Variants in CDH20 observed in about 807,000 individuals in gnomAD.
The protein encoded by CDH20 is cadherin-20.
CDH20 carries 29 observed loss-of-function variants against 74.2 expected under a neutral mutation model. That is an observed-to-expected ratio of 0.39 (90% confidence interval 0.29 to 0.53). The LOEUF (loss-of-function observed/expected upper bound fraction) is 0.53, where lower values mean the gene tolerates loss of function less well. CDH20 is among the 20% of genes least tolerant of loss of function. The probability of loss-of-function intolerance (pLI) is 0.69; values close to 1 mark genes in which losing one functional copy is unlikely to be tolerated. For synonymous variants in CDH20, 469 were observed against 405.4 expected (o/e 1.16, Z -1.88); for missense variants, 988 against 1,048.3 (o/e 0.94, Z 0.79).
chr18:61,347,324 ACACAC>A (rs1282242453), intron 1 of CDH20, among the ~76,000 whole-genome samples: 6 of 51,988 alleles, frequency 1.2e-4, no homozygotes, highest in Non-Finnish European at 2.6e-4. Context: ...ATATATACAC[ACACAC>A]ACACACACAC....
At chr18:61,434,817 C>T (rs1908778110) in intron 1 of CDH20, among the ~76,000 whole-genome samples, 1 of 152,110 alleles carries the variant, frequency 6.6e-6, no homozygotes, top group East Asian at 1.9e-4. Context: ...TGCAGGAGGA[C>T]ATTTTGACCC....
At chr18:61,336,585 A>T (rs140183839) in intron 1 of CDH20, among the ~76,000 whole-genome samples, 2 of 152,176 alleles carry the variant, frequency 1.3e-5, no homozygotes, top group African/African-American at 4.8e-5. Context: ...TGAGCTAGAA[A>T]ATTAGCAGTT....
In CDH20 at chr18:61,339,701, T is replaced by TCTTTC. The variant is rs750738572; in HGVS notation, c.-153+5874_-153+5875insCTTTC. Among the ~76,000 whole-genome samples, 1,113 of 122,964 alleles carry TCTTTC rather than the reference T, an allele frequency of 9.1e-3. 16 individuals are homozygous for TCTTTC. The highest frequency in any genetic ancestry group is 0.032 in the South Asian group (110 of 3,480). 80.7% of individuals were successfully genotyped at this position (122,964 alleles called of 152,430 possible). A position where few individuals can be genotyped will look rare whatever the true frequency, so the allele number is the denominator to read the frequency against. ...TAGAAATTTTTTTTTTTTTTTTTTT[T>TCTTTC]TTTTGAGATGGAGTCTCGCTCTGTC... On this transcript the variant is annotated intron_variant, in intron 1 of 11. Transcript: ENST00000262717.
intron 4 of CDH20, among the ~76,000 whole-genome samples, chr18:61,502,503 C>T (rs2144321723): frequency 6.6e-6 from 1 of 152,232 alleles, no homozygotes; most frequent in East Asian, 1.9e-4. Flanking sequence ...AAAGAAGAGC[C>T]ATTCACACTA....
At chr18:61,411,536 A>C (rs1398145211) in intron 1 of CDH20, among the ~76,000 whole-genome samples, 1 of 150,898 alleles carries the variant, frequency 6.6e-6, no homozygotes, top group Admixed American at 6.6e-5. Flanking sequence ...TGGATAAAGA[A>C]ACTGCGATGT....
At chr18:61,365,553 G>GT (rs1239502287) in intron 1 of CDH20, among the ~76,000 whole-genome samples, 1 of 152,010 alleles carries the variant, frequency 6.6e-6, no homozygotes, top group South Asian at 2.1e-4. Context: ...TTAATCAAAG[G>GT]TTTTTTAAAC....
chr18:61,503,075 A>C lies in CDH20; in HGVS notation c.784A>C (p.Ile262Leu). 1.2e-6 allele frequency: 2 copies of C among 1,613,552 alleles called. No individual in the cohort carries two copies. The highest frequency in any genetic ancestry group is 1.7e-6 in the Non-Finnish European group (2 of 1,179,752). The change falls in exon 5 of 12, where the codon ATC (isoleucine) becomes CTC (leucine). Residue 262 changes from isoleucine (I) to leucine (L), a missense_variant. Physicochemically the swap from Ile to Leu is conservative, Grantham distance 5 (BLOSUM62 2). Transcript: ENST00000262717. ...ATTAGCTGGGACCACAACAGTCAACATCACCCTCTCAGATGTCAATGATAA... is the reference window on the plus strand; with the variant it reads ...ATTAGCTGGGACCACAACAGTCAACCTCACCCTCTCAGATGTCAATGATAA... ...GGLAGTTTVN[I>L]TLSDVNDNPP... is the part of the protein sequence containing the mutation.
At chr18:61,430,334 A>C (rs1025097829) in intron 1 of CDH20, among the ~76,000 whole-genome samples, 3 of 152,160 alleles carry the variant, frequency 2.0e-5, no homozygotes, top group African/African-American at 7.2e-5. Flanking sequence ...TAAGCCATGA[A>C]AGGAGAAGAC....
At chr18:61,377,779 C>T (rs1172235567) in intron 1 of CDH20, among the ~76,000 whole-genome samples, 6 of 151,876 alleles carry the variant, frequency 4.0e-5, no homozygotes, top group Non-Finnish European at 7.4e-5. Flanking sequence ...ACATTGTGGG[C>T]CTACATCTTG....
chr18:61,437,277 G>A (rs1296649924), intron 1 of CDH20, among the ~76,000 whole-genome samples: 1 of 152,144 alleles, frequency 6.6e-6, no homozygotes, highest in Non-Finnish European at 1.5e-5. Flanking sequence ...CAGACAAGAA[G>A]GGTTCATGTC....
intron 7 of CDH20, among the ~76,000 whole-genome samples, chr18:61,536,219 A>G (rs1205020883): frequency 6.6e-6 from 1 of 152,220 alleles, no homozygotes; most frequent in African/African-American, 2.4e-5. Flanking sequence ...AGCATAAACC[A>G]TATTTAAATA....
rs534517315 is a variant in CDH20, at chr18:61,385,379, G to A, written c.-153+51552G>A. On this transcript the variant is annotated intron_variant, in intron 1 of 11. Coordinates refer to ENST00000262717, the MANE Select transcript of CDH20 (RefSeq NM_031891.4). ...AATACAAATAAATATCCATACTTAG[G>A]TTAGGAAGATTCTTTAATTGAAGGA... 3.3e-5 allele frequency among the ~76,000 whole-genome samples: 5 copies of A among 150,976 alleles called. No homozygotes were observed. The South Asian group carries it at 8.3e-4, about 25-fold the overall frequency.
intron 1 of CDH20, among the ~76,000 whole-genome samples, chr18:61,365,274 A>G (rs1388471941): frequency 6.6e-6 from 1 of 152,200 alleles, no homozygotes; most frequent in Non-Finnish European, 1.5e-5. Context: ...CATTATGAAC[A>G]TTCATTATTG....
chr18:61,347,315 TATATACACACACAC>T (rs1467129313), intron 1 of CDH20, among the ~76,000 whole-genome samples: 1 of 55,900 alleles, frequency 1.8e-5, no homozygotes, highest in African/African-American at 6.2e-5. Context: ...TATATATATA[TATATACACACACAC>T]ACACACACAC....
intron 2 of CDH20, among the ~76,000 whole-genome samples, chr18:61,493,997 T>C (rs1017730413): frequency 3.3e-5 from 5 of 152,204 alleles, no homozygotes; most frequent in Admixed American, 6.5e-5. Flanking sequence ...TCACGTTTTA[T>C]TGGACTACCA....
At chr18:61,360,095 G>C (rs1340636550) in intron 1 of CDH20, among the ~76,000 whole-genome samples, 2 of 152,152 alleles carry the variant, frequency 1.3e-5, no homozygotes, top group Non-Finnish European at 2.9e-5. Context: ...TGGGGAGCAT[G>C]GAGTGTCTGA....
intron 11 of CDH20, among the ~76,000 whole-genome samples, chr18:61,552,230 T>C (rs1284064565): frequency 6.6e-6 from 1 of 152,004 alleles, no homozygotes; most frequent in Non-Finnish European, 1.5e-5. Context: ...TCTCATAAGC[T>C]CTACGCACCG....
intron 1 of CDH20, among the ~76,000 whole-genome samples, chr18:61,444,565 T>C (rs1192699782): frequency 6.6e-6 from 1 of 152,084 alleles, no homozygotes; most frequent in East Asian, 1.9e-4. Flanking sequence ...TGGTAGTCTT[T>C]TAAAGGAAAA....
In CDH20 at chr18:61,473,979, T is replaced by C. The variant is rs370956066; in HGVS notation, c.-152-16423T>C. 1.3e-4 allele frequency among the ~76,000 whole-genome samples: 20 copies of C among 152,318 alleles called. No homozygotes were observed. The East Asian group carries it at 2.5e-3, about 19-fold the overall frequency. On this transcript the variant is annotated intron_variant, in intron 1 of 11. Coordinates refer to ENST00000262717, the MANE Select transcript of CDH20 (RefSeq NM_031891.4). Reference sequence around the variant, plus strand: ...AACATTTCTCCTAGGCAAAAATGAGTGAAATGTTATAAATGCTTACTACTA... The same window carrying C: ...AACATTTCTCCTAGGCAAAAATGAGCGAAATGTTATAAATGCTTACTACTA...
Sources: allele counts gnomAD v4.1 joint callset (sites outside exome capture counted in the v4.1 genomes callset), GRCh38; gene constraint gnomAD v4.1.1; transcripts MANE v1.5; gene names NCBI Gene and HGNC (gene_info 2026-07-23, HGNC 2026-07-21).